CEP63: variants seen among roughly 807,000 people sequenced by gnomAD.
CEP63 encodes centrosomal protein of 63 kDa.
A neutral mutation model predicts 89.1 loss-of-function variants in CEP63; 84 were observed. The ratio of observed to expected loss-of-function variants is 0.94; its 90% CI spans 0.79 to 1.13. The LOEUF (loss-of-function observed/expected upper bound fraction) is 1.13, where lower values mean the gene tolerates loss of function less well. Among genes scored for constraint, CEP63 ranks in the 50% most tolerant of loss-of-function variants. The pLI is 0.00. For missense variants in CEP63, 838 were observed against 813.3 expected (o/e 1.03, Z -0.37); for synonymous variants, 267 against 272.5 (o/e 0.98, Z 0.20).
At chr3:134,619,494 T>C in the CEP63 span, among the ~76,000 whole-genome samples, 1 of 152,198 alleles carries the variant, frequency 6.6e-6, no homozygotes, top group Non-Finnish European at 1.5e-5. Flanking sequence ...CCCAAGCCTC[T>C]GAGGAGGGGC....
At chr3:134,600,037 TC>T in the CEP63 span, among the ~76,000 whole-genome samples, 5 of 152,210 alleles carry the variant, frequency 3.3e-5, no homozygotes, top group Non-Finnish European at 7.3e-5. Context: ...TGAGAAGTAA[TC>T]ACCTCTTTCA....
intron 6 of CEP63, among the ~76,000 whole-genome samples, chr3:134,541,360 T>C (rs930199789): frequency 1.3e-5 from 2 of 152,204 alleles, no homozygotes; most frequent in Non-Finnish European, 2.9e-5. Flanking sequence ...TAATACATTT[T>C]ATCTAAAAAT....
At chr3:134,577,198 C>T (rs2110313381), downstream of CEP63, among the ~76,000 whole-genome samples, 1 of 152,014 alleles carries the variant, frequency 6.6e-6, no homozygotes, top group Admixed American at 6.5e-5. Context: ...CAGAATGGGG[C>T]TGTTTTTGCA....
chr3:134,504,404 T>C (rs1942925016), intron 2 of CEP63, among the ~76,000 whole-genome samples: 1 of 152,226 alleles, frequency 6.6e-6, no homozygotes, highest in African/African-American at 2.4e-5. Context: ...TTTAACACTT[T>C]GAATATATCG....
chr3:134,767,029 CCA>C, the CEP63 span, among the ~76,000 whole-genome samples: 1 of 152,146 alleles, frequency 6.6e-6, no homozygotes, highest in South Asian at 2.1e-4. Context: ...GATACTCACC[CCA>C]CCCACACAGA....
the CEP63 span, among the ~76,000 whole-genome samples, chr3:134,675,160 T>C: frequency 6.6e-6 from 1 of 152,300 alleles, no homozygotes; most frequent in South Asian, 2.1e-4. Context: ...CAGTAACCAA[T>C]ACTGTGTAGT....
chr3:134,706,672 G>A, the CEP63 span, among the ~76,000 whole-genome samples: 1 of 152,132 alleles, frequency 6.6e-6, no homozygotes, highest in East Asian at 1.9e-4. Context: ...ATGCAAACAT[G>A]GTGGCTTAAA....
At chr3:134,492,280 G>C (rs946960666) in intron 1 of CEP63, among the ~76,000 whole-genome samples, 11 of 152,032 alleles carry the variant, frequency 7.2e-5, no homozygotes, top group African/African-American at 2.7e-4. Context: ...CACCGTGTTA[G>C]CCAGGATGGT....
At chr3:134,525,755 G>T (rs1439541566) in intron 3 of CEP63, among the ~76,000 whole-genome samples, 2 of 152,166 alleles carry the variant, frequency 1.3e-5, no homozygotes, top group African/African-American at 4.8e-5. Flanking sequence ...TAAGAATGTT[G>T]AATATGCCTT....
At chr3:134,710,726 CTT>C in the CEP63 span, among the ~76,000 whole-genome samples, 69 of 132,136 alleles carry the variant, frequency 5.2e-4, no homozygotes, top group East Asian at 6.8e-4. Context: ...CTTTTTCTTT[CTT>C]TTTTTTTTTT....
intron 2 of CEP63, among the ~76,000 whole-genome samples, chr3:134,503,175 C>G (rs1304969284): frequency 7.0e-6 from 1 of 142,444 alleles, no homozygotes; most frequent in Non-Finnish European, 1.5e-5. Flanking sequence ...CCTCTTAGCA[C>G]TGCCTTTGCT....
chr3:134,772,451 C>T, the CEP63 span, among the ~76,000 whole-genome samples: 5 of 152,156 alleles, frequency 3.3e-5, no homozygotes, highest in Non-Finnish European at 5.9e-5. Context: ...TGGGGGTGAG[C>T]CAGGCAAGGC....
chr3:134,561,557 T>C lies in CEP63; in HGVS notation c.*22T>C. 1 of 1,600,716 alleles carries C rather than the reference T, an allele frequency of 6.2e-7. No homozygotes were observed. Among genetic ancestry groups the C allele is most frequent in the East Asian group, 2.3e-5 (1 of 44,204 alleles). ...GTAGCCTCTTAAAAAAATCACTATCTTGGAAATAAAAATAAACACCAAAGA... is the reference window on the plus strand; with the variant it reads ...GTAGCCTCTTAAAAAAATCACTATCCTGGAAATAAAAATAAACACCAAAGA... On this transcript the variant is annotated 3_prime_UTR_variant, in exon 15 of 15. Transcript: ENST00000675561.
the CEP63 span, among the ~76,000 whole-genome samples, chr3:134,692,784 C>G: frequency 6.6e-6 from 1 of 152,128 alleles, no homozygotes; most frequent in Non-Finnish European, 1.5e-5. Context: ...CTGGGACTGC[C>G]CTGGTTCCAA....
At chr3:134,764,981 T>TG in the CEP63 span, among the ~76,000 whole-genome samples, 2 of 152,198 alleles carry the variant, frequency 1.3e-5, no homozygotes, top group Non-Finnish European at 2.9e-5. Context: ...TCTCATTATA[T>TG]GACAGTACAG....
At chr3:134,627,908 T>G in the CEP63 span, 1 of 979,538 alleles carries the variant, frequency 1.0e-6, no homozygotes, top group East Asian at 2.4e-5. Context: ...GTCCTTGCTT[T>G]TGACCCCTCC....
At chr3:134,529,258 A>G (rs1949360495) in intron 3 of CEP63, among the ~76,000 whole-genome samples, 1 of 151,564 alleles carries the variant, frequency 6.6e-6, no homozygotes, top group Non-Finnish European at 1.5e-5. Context: ...TTCATTCATT[A>G]TATTCATTCA....
At chr3:134,644,117 G>A in the CEP63 span, among the ~76,000 whole-genome samples, 3 of 152,154 alleles carry the variant, frequency 2.0e-5, no homozygotes, top group South Asian at 2.1e-4. Flanking sequence ...GAGCCACCGC[G>A]CCCGGCCGAG....
chr3:134,540,566 C>T (rs1577206315), intron 6 of CEP63, among the ~76,000 whole-genome samples: 1 of 151,996 alleles, frequency 6.6e-6, no homozygotes, highest in African/African-American at 2.4e-5. Flanking sequence ...ACTTTCCCCA[C>T]ATTGAGCGCT....
Sources: allele counts gnomAD v4.1 joint callset (sites outside exome capture counted in the v4.1 genomes callset), GRCh38; gene constraint gnomAD v4.1.1; transcripts MANE v1.5; gene names NCBI Gene and HGNC (gene_info 2026-07-23, HGNC 2026-07-21).